The following FBXO11 variants were observed in gnomAD, a reference collection of about 807,000 sequenced individuals.
The protein encoded by FBXO11 is F-box protein 11.
FBXO11 carries 13 observed loss-of-function variants against 117.0 expected under a neutral mutation model. The observed-to-expected ratio is 0.11, with a 90% confidence interval of 0.07 to 0.18. The LOEUF (loss-of-function observed/expected upper bound fraction) is 0.18. Ranked by LOEUF, FBXO11 falls within the 10% of genes least tolerant of loss-of-function variation. The pLI is 1.00. For missense variants in FBXO11, 767 were observed against 1,164.4 expected, an observed-to-expected ratio of 0.66 and a Z score of 4.97; for synonymous variants, 490 against 380.5, an observed-to-expected ratio of 1.29 and a Z score of -3.35.
intron 12 of FBXO11, 143 bp from the exon 13 acceptor site, chr2:47,822,446 A>C: frequency 3.5e-6 from 2 of 575,384 alleles, no homozygotes. Context: ...TCTAAGGCCT[A>C]AGACTTTGGA....
At chr2:47,834,219 G>T (rs1672388101) in intron 7 of FBXO11, among the ~76,000 whole-genome samples, 1 of 152,108 alleles carries the variant, frequency 6.6e-6, no homozygotes, top group African/African-American at 2.4e-5. Context: ...GCATGGTGGT[G>T]CATGCCTATA....
intron 13 of FBXO11, 53 bp from the exon 14 acceptor site, chr2:47,820,509 G>T (rs1173870953): frequency 7.1e-7 from 1 of 1,400,258 alleles, no homozygotes; most frequent in Non-Finnish European, 1.0e-6. Flanking sequence ...AGAGAATACA[G>T]TAAGGATTTT....
At chr2:47,867,207 C>T (rs1675264261) in intron 1 of FBXO11, among the ~76,000 whole-genome samples, 2 of 152,168 alleles carry the variant, frequency 1.3e-5, no homozygotes, top group South Asian at 4.1e-4. Context: ...CGAAAATCTC[C>T]AGTCTAGCTT....
At chr2:47,835,797 C>T in intron 5 of FBXO11, 75 bp downstream of exon 5, 1 of 1,254,312 alleles carries the variant, frequency 8.0e-7, no homozygotes. Flanking sequence ...CACGCCCAGC[C>T]TAAACTTATT....
chr2:47,903,687 A>T (rs1002397611), intron 1 of FBXO11, among the ~76,000 whole-genome samples: 3 of 152,246 alleles, frequency 2.0e-5, no homozygotes, highest in Non-Finnish European at 4.4e-5. Flanking sequence ...TAATATTATT[A>T]ACCAATTACC....
chr2:47,872,226 G>C (rs1572881863), intron 1 of FBXO11, among the ~76,000 whole-genome samples: 1 of 152,236 alleles, frequency 6.6e-6, no homozygotes, highest in African/African-American at 2.4e-5. Context: ...GTAGGATTTA[G>C]TGTAGAGCTG....
chr2:47,903,869 T>C (rs148839968), intron 1 of FBXO11, among the ~76,000 whole-genome samples: 74 of 152,302 alleles, frequency 4.9e-4, no homozygotes, highest in African/African-American at 1.7e-3. Context: ...GATAGACATA[T>C]GTGAAAGGAA....
chr2:47,835,768 G>T, intron 5 of FBXO11, 104 bp downstream of exon 5: 1 of 835,878 alleles, frequency 1.2e-6, no homozygotes, highest in Admixed American at 3.2e-5. Flanking sequence ...AAGGTGCTGG[G>T]ATTACAGGTG....
chr2:47,878,942 G>A (rs1558467068), intron 1 of FBXO11, among the ~76,000 whole-genome samples: 1 of 151,728 alleles, frequency 6.6e-6, no homozygotes, highest in Non-Finnish European at 1.5e-5. Context: ...TCACGCCACT[G>A]CACTCCAAGC....
intron 14 of FBXO11, among the ~76,000 whole-genome samples, chr2:47,819,678 G>A (rs1671245567): frequency 1.3e-5 from 2 of 152,086 alleles, no homozygotes; most frequent in African/African-American, 2.4e-5. Flanking sequence ...ACAAACTGAC[G>A]ACCTCTCATT....
At chr2:47,817,229 T>A (rs1355184678) in intron 16 of FBXO11, among the ~76,000 whole-genome samples, 1 of 152,234 alleles carries the variant, frequency 6.6e-6, no homozygotes, top group Non-Finnish European at 1.5e-5. Context: ...TTCAAACTTT[T>A]CTTCTGCAGC....
At chr2:47,865,301 G>A (rs2103782866) in intron 1 of FBXO11, among the ~76,000 whole-genome samples, 1 of 152,292 alleles carries the variant, frequency 6.6e-6, no homozygotes, top group South Asian at 2.1e-4. Context: ...TTACTGAGTT[G>A]GCCATCTGAC....
At chr2:47,853,990 CCA>C (rs985247303) in intron 1 of FBXO11, among the ~76,000 whole-genome samples, 4 of 152,170 alleles carry the variant, frequency 2.6e-5, no homozygotes, top group African/African-American at 9.7e-5. Context: ...CAAGTGCTGA[CCA>C]CAGATAAAAA....
At position 47,871,435 on chromosome 2, in the gene FBXO11, T is replaced by C. The variant is rs542841593; in HGVS notation, c.233-31666A>G. On this transcript the variant is annotated intron_variant, in intron 1 of 22. Coordinates refer to ENST00000403359, the MANE Select transcript of FBXO11 (RefSeq NM_001190274.2). ...GTTTGAGTGCAACCTAATGAGACTT[T>C]GATAAAGATGTTAAATTTGGGGGTA... 2.6e-5 allele frequency among the ~76,000 whole-genome samples: 4 copies of C among 152,336 alleles called. No homozygotes were observed. In the South Asian group the frequency reaches 6.2e-4, roughly 24 times the overall value.
rs145699498 is a variant in FBXO11 at position 47,905,758 on chromosome 2, A to ACACACGCACACGCACACG, written c.-39_-38insCGTGTGCGTGTGCGTGTG. On this transcript the variant is annotated 5_prime_UTR_variant, in exon 1 of 23. Coordinates refer to ENST00000403359, the MANE Select transcript of FBXO11 (RefSeq NM_001190274.2). ...GGTGGCGGCGTTGGCGGAGGGACAC[A>ACACACGCACACGCACACG]CACACGCACACGCACAGCGAGCTTC... The ACACACGCACACGCACACG allele has an allele frequency of 1.5e-6, 2 of 1,305,122 alleles. No individual in the cohort carries two copies. The highest frequency in any genetic ancestry group is 5.5e-5 in the East Asian group (1 of 18,322). 80.8% of individuals were successfully genotyped at this position (1,305,122 alleles called of 1,614,324 possible).
At chr2:47,818,676 AG>A in intron 16 of FBXO11, 102 bp downstream of exon 16, 2 of 722,774 alleles carry the variant, frequency 2.8e-6, no homozygotes, top group South Asian at 1.9e-5. Flanking sequence ...TATATACAAT[AG>A]GGGGATAAAG....
intron 1 of FBXO11, among the ~76,000 whole-genome samples, chr2:47,858,695 A>AG (rs1553348593): frequency 3.3e-5 from 5 of 150,218 alleles, no homozygotes; most frequent in African/African-American, 7.4e-5. Context: ...AAAAAAAAAA[A>AG]AAAAAGAAAA....
At chr2:47,898,447 C>G (rs1427161441) in intron 1 of FBXO11, among the ~76,000 whole-genome samples, 1 of 152,324 alleles carries the variant, frequency 6.6e-6, no homozygotes, top group Non-Finnish European at 1.5e-5. Flanking sequence ...ACTAATTTAA[C>G]GCACATTTTT....
chr2:47,870,856 A>T (rs1675570585), intron 1 of FBXO11, among the ~76,000 whole-genome samples: 1 of 152,328 alleles, frequency 6.6e-6, no homozygotes, highest in Non-Finnish European at 1.5e-5. Flanking sequence ...TATGGCAATG[A>T]ATACCCATGT....
Sources: gnomAD v4.1 joint callset for allele counts (sites outside exome capture counted in the v4.1 genomes callset) on GRCh38, gnomAD v4.1.1 for gene constraint, MANE v1.5 for transcripts, NCBI Gene and HGNC (gene_info 2026-07-23, HGNC 2026-07-21) for gene names.